XRN1: variants seen among roughly 807,000 people sequenced by gnomAD.
XRN1 encodes the protein 5'-3' exoribonuclease 1, also known as strand-exchange protein 1 homolog.
A neutral mutation model predicts 222.3 loss-of-function variants in XRN1; 67 were observed. That is an observed-to-expected ratio of 0.30 (90% CI 0.25 to 0.37). XRN1 has a LOEUF of 0.37. XRN1 is among the 10% of genes least tolerant of loss of function. The pLI is 1.00. For synonymous variants in XRN1, 643 were observed against 652.4 expected (o/e 0.99, Z 0.22); for missense variants, 1,707 against 2,000.2 (o/e 0.85, Z 2.80).
At chr3:142,369,175 T>C (rs1488726951) in intron 27 of XRN1, among the ~76,000 whole-genome samples, 1 of 152,192 alleles carries the variant, frequency 6.6e-6, no homozygotes, top group Non-Finnish European at 1.5e-5. Flanking sequence ...AAGGGCAAAT[T>C]TGTGAAACAT....
intron 25 of XRN1, among the ~76,000 whole-genome samples, chr3:142,373,613 A>G (rs982674090): frequency 1.1e-4 from 16 of 152,222 alleles, no homozygotes; most frequent in African/African-American, 2.9e-4. Flanking sequence ...TAGATCACAT[A>G]CAGAAATTCA....
At chr3:142,329,775 G>C (rs1169526754) in intron 36 of XRN1, among the ~76,000 whole-genome samples, 160 bp from the exon 37 acceptor site, 1 of 152,222 alleles carries the variant, frequency 6.6e-6, no homozygotes, top group East Asian at 1.9e-4. Flanking sequence ...CAGGATTTCA[G>C]GTGGCTCTAG....
In XRN1 at chr3:142,310,846, T is replaced by C. The variant is rs760320295; in HGVS notation, c.*665A>G. ...TCAAATTTAGAATGCTATTTATAGT[T>C]CTAAGCAGTTAGATGAAATATTCTG... On this transcript the variant is annotated 3_prime_UTR_variant, in exon 41 of 41. Transcript: ENST00000392981. 3.9e-5 allele frequency: 6 copies of C among 152,634 alleles called. No individual in the cohort carries two copies. The highest frequency in any genetic ancestry group is 7.3e-5 in the Non-Finnish European group (5 of 68,032). 9.5% of individuals were successfully genotyped at this position (152,634 alleles called of 1,614,324 possible). A position where few individuals can be genotyped will look rare whatever the true frequency, so the allele number is the denominator to read the frequency against.
chr3:142,362,704 TTTTC>T (rs1002783282), intron 29 of XRN1, among the ~76,000 whole-genome samples: 10 of 149,872 alleles, frequency 6.7e-5, no homozygotes, highest in Admixed American at 2.0e-4. Flanking sequence ...CCCTCCCTTC[TTTTC>T]TTTCTTTCTT....
chr3:142,395,388 A>G (rs2067890702), intron 20 of XRN1, among the ~76,000 whole-genome samples: 1 of 152,222 alleles, frequency 6.6e-6, no homozygotes, highest in Non-Finnish European at 1.5e-5. Flanking sequence ...GACAGCCTGA[A>G]TTGGCAGGCA....
At chr3:142,393,287 C>T (rs2067805363) in intron 20 of XRN1, among the ~76,000 whole-genome samples, 1 of 149,760 alleles carries the variant, frequency 6.7e-6, no homozygotes, top group Non-Finnish European at 1.5e-5. Context: ...CCTGTTCACT[C>T]TGATGGTAGT....
At chr3:142,341,035 G>A (rs987956164) in intron 33 of XRN1, among the ~76,000 whole-genome samples, 5 of 151,968 alleles carry the variant, frequency 3.3e-5, no homozygotes, top group South Asian at 4.1e-4. Flanking sequence ...ACACTGTATG[G>A]TATGTAAACT....
At chr3:142,432,440 G>A (rs951664313) in intron 2 of XRN1, among the ~76,000 whole-genome samples, 1 of 150,374 alleles carries the variant, frequency 6.7e-6, no homozygotes, top group South Asian at 2.1e-4. Context: ...ACAAACAAAC[G>A]AACAAGAGAA....
intron 18 of XRN1, among the ~76,000 whole-genome samples, chr3:142,402,342 T>A (rs7613664): frequency 6.6e-6 from 1 of 151,712 alleles, no homozygotes; most frequent in Admixed American, 6.6e-5. Context: ...ACCACCAAGT[T>A]TGGCTAATTT....
In XRN1 at chr3:142,418,880, C is replaced by T. The variant is rs1397215348; in HGVS notation, c.1175G>A (p.Gly392Asp). The T allele has an allele frequency of 2.5e-6, 4 of 1,613,664 alleles. No individual in the cohort carries two copies. The highest frequency in any genetic ancestry group is 3.4e-6 in the Non-Finnish European group (4 of 1,179,764). The change falls in exon 11 of 41, where the codon GGC (glycine) becomes GAC (aspartate). Residue 392 changes from glycine (G) to aspartate (D), a missense_variant and splice_region_variant. Physicochemically the swap from Gly to Asp is moderately conservative, Grantham distance 94 (BLOSUM62 -1). Transcript: ENST00000392981. ...AGTCCAACACAGAGAATTTTCCTGG[C>T]CCTGTAAATTGTAAATCAACATAAA... ...RNYKEKKKLK[G>D]QENSLCWTAL...
At position 142,341,379 on chromosome 3, in the gene XRN1, G is replaced by A. The variant is rs1281054293; in HGVS notation, c.3877+5855C>T. Among the ~76,000 whole-genome samples, 3 of 151,968 alleles carry A rather than the reference G, an allele frequency of 2.0e-5. 1 individual carries two copies. Among genetic ancestry groups the A allele is most frequent in the South Asian group, 4.1e-4 (2 of 4,826 alleles). ...AAAGGAAGCTAGGAAAGGAGGAAGA[G>A]AAGACCAAAAACAACCAGAAAACAA... On this transcript the variant is annotated intron_variant, in intron 33 of 40. Transcript: ENST00000392981.
Position 142,403,904 on chromosome 3 carries a change from A to G in XRN1, c.1969T>C (p.Cys657Arg), listed in dbSNP as rs780177871. The stretch of plus-strand genomic sequence containing the variant: ...ATGTGTTTCAGAGTAGGAAATCCAC[A>G]GAAATATAATGCTTTCTGGTCAATT... ...TRIDQKALYFCGFPTLKHIRH... is the reference protein window; with the variant it reads ...TRIDQKALYFRGFPTLKHIRH... Residue 657 changes from cysteine to arginine, a missense_variant, in exon 17 of 41, where the codon TGT becomes CGT. Transcript: ENST00000392981. 51 of 1,613,178 alleles carry G rather than the reference A, an allele frequency of 3.2e-5. No homozygotes were observed. Among genetic ancestry groups the G allele is most frequent in the Non-Finnish European group, 4.2e-5 (49 of 1,179,532 alleles).
intron 10 of XRN1, among the ~76,000 whole-genome samples, chr3:142,419,510 G>A (rs1055237131): frequency 1.3e-5 from 2 of 152,112 alleles, no homozygotes; most frequent in East Asian, 1.9e-4. Flanking sequence ...AGGAGAGTAA[G>A]AAGCTCAACA....
Position 142,400,562 on chromosome 3 carries a change from A to C in XRN1, c.2104-15T>G. 1 of 1,592,780 alleles carries C rather than the reference A, an allele frequency of 6.3e-7. No homozygotes were observed. Among genetic ancestry groups the C allele is most frequent in the Non-Finnish European group, 8.6e-7 (1 of 1,168,196 alleles). ...TTTTCTACGGTCTTAAAGTAAAAGC[A>C]AAAAAGTTCATTCATGATTTCAGGT... On this transcript the variant is annotated splice_polypyrimidine_tract_variant and intron_variant, in intron 18 of 40. Transcript: ENST00000392981.
At chr3:142,366,070 A>C (rs2066801660) in intron 27 of XRN1, among the ~76,000 whole-genome samples, 1 of 152,202 alleles carries the variant, frequency 6.6e-6, no homozygotes, top group Non-Finnish European at 1.5e-5. Flanking sequence ...GATACTTGCT[A>C]GTTCTGTGAA....
At chr3:142,432,947 T>C (rs1220645107) in intron 1 of XRN1, 54 bp from the exon 2 acceptor site, 5 of 1,349,234 alleles carry the variant, frequency 3.7e-6, no homozygotes, top group Non-Finnish European at 5.2e-6. Context: ...ACTACAGATA[T>C]CTTAAGCAGC....
At position 142,397,932 on chromosome 3, in the gene XRN1, A is replaced by G. The variant is rs1443423600; in HGVS notation, c.2208-472T>C. 2.0e-5 allele frequency among the ~76,000 whole-genome samples: 3 copies of G among 152,230 alleles called. No individual in the cohort carries two copies. The East Asian group carries it at 5.8e-4, about 29-fold the overall frequency. On this transcript the variant is annotated intron_variant, in intron 19 of 40. Coordinates refer to ENST00000392981, the MANE Select transcript of XRN1 (RefSeq NM_001282857.2). ...TATCACATGTATTCTACAAATATAT[A>G]CAATTATTATGTATCAAAAAAATTT...
chr3:142,396,244 T>A (rs922826880), intron 20 of XRN1, among the ~76,000 whole-genome samples: 1 of 152,178 alleles, frequency 6.6e-6, no homozygotes, highest in African/African-American at 2.4e-5. Flanking sequence ...GTACTTTGAA[T>A]GATTTTTTTT....
intron 20 of XRN1, among the ~76,000 whole-genome samples, chr3:142,388,674 G>T (rs1004174792): frequency 1.4e-4 from 21 of 152,202 alleles, no homozygotes; most frequent in African/African-American, 4.8e-4. Context: ...AATAAAGTTT[G>T]CTGTATCAGC....
Sources: allele counts gnomAD v4.1 joint callset (sites outside exome capture counted in the v4.1 genomes callset), GRCh38; gene constraint gnomAD v4.1.1; transcripts MANE v1.5; gene names NCBI Gene and HGNC (gene_info 2026-07-23, HGNC 2026-07-21).